Variants in NHSL2 observed in about 807,000 individuals in gnomAD.
NHSL2 encodes the protein NHS like 2.
NHSL2 carries 27 observed loss-of-function variants against 53.4 expected under a neutral mutation model. The ratio of observed to expected loss-of-function variants is 0.51; its 90% CI spans 0.37 to 0.70. NHSL2 has a LOEUF of 0.70. Among genes scored for constraint, NHSL2 ranks in the 30% least tolerant of loss-of-function variants. The probability of loss-of-function intolerance (pLI) is 0.00; values close to 1 mark genes in which losing one functional copy is unlikely to be tolerated. For synonymous variants in NHSL2, 408 were observed against 404.1 expected (o/e 1.01, Z -0.12); for missense variants, 892 against 980.1 (o/e 0.91, Z 1.20).
At chrX:71,941,932 G>A (rs1207212230) in intron 1 of NHSL2, among the ~76,000 whole-genome samples, 1 of 111,423 alleles carries the variant, frequency 9.0e-6, no homozygotes, top group African/African-American at 3.3e-5. Flanking sequence ...CGAGCTGCTG[G>A]GTCTGCTCAT....
chrX:71,950,351 G>A (rs1007765671), intron 1 of NHSL2, among the ~76,000 whole-genome samples: 8 of 112,758 alleles, frequency 7.1e-5, no homozygotes, highest in African/African-American at 2.3e-4. Context: ...CCTAAGCCTG[G>A]CCAACAATAC....
At chrX:72,019,557 C>G (rs747674708) in intron 1 of NHSL2, among the ~76,000 whole-genome samples, 1 of 112,186 alleles carries the variant, frequency 8.9e-6, no homozygotes, top group East Asian at 2.8e-4. Flanking sequence ...AGTAATTTGT[C>G]GAATGAATGA....
At chrX:71,944,087 G>A (rs2041781529) in intron 1 of NHSL2, among the ~76,000 whole-genome samples, 1 of 112,322 alleles carries the variant, frequency 8.9e-6, no homozygotes. Context: ...AGTATAGCCT[G>A]CTAGAGAAAA....
intron 1 of NHSL2, among the ~76,000 whole-genome samples, chrX:72,051,570 C>T (rs1166968805): frequency 2.7e-5 from 3 of 111,246 alleles, no homozygotes; most frequent in Non-Finnish European, 5.7e-5. Flanking sequence ...CCTATCCAGC[C>T]CTCCTTCCTC....
intron 1 of NHSL2, among the ~76,000 whole-genome samples, chrX:71,942,964 CTCTCTCTCTGTGTGTGTGTG>C (rs1289139182): frequency 6.7e-5 from 2 of 30,020 alleles, no homozygotes; most frequent in Non-Finnish European, 1.3e-4. Context: ...CTCTCTCTCT[CTCTCTCTCTGTGTGTGTGTG>C]TGTGTGTGTG....
At chrX:72,044,578 A>G (rs2042294351) in intron 1 of NHSL2, 1 of 1,033,708 alleles carries the variant, frequency 9.7e-7, no homozygotes, top group Admixed American at 2.2e-5. Context: ...CAGTCATGCC[A>G]AAAAGGGCCG....
intron 1 of NHSL2, among the ~76,000 whole-genome samples, chrX:71,928,040 A>T (rs1011532936): frequency 4.4e-5 from 5 of 112,913 alleles, no homozygotes. Flanking sequence ...AATACTTCTA[A>T]GTGTTGAGCA....
rs60217492 is a variant in NHSL2 at position 72,013,536 on chromosome X, C to CTTT, written c.280+102180_280+102182dup. On this transcript the variant is annotated intron_variant, in intron 1 of 7. Coordinates refer to ENST00000633930, the MANE Select transcript of NHSL2 (RefSeq NM_001013627.3). The stretch of plus-strand genomic sequence containing the variant: ...CATGTTTTATCTTTTCTTTTTTCTT[C>CTTT]TTTTTTTTTTTTTGCCTTATTACAC... Among the ~76,000 whole-genome samples, 386 of 96,739 alleles carry CTTT rather than the reference C, an allele frequency of 4.0e-3. 2 individuals are homozygous for CTTT. The highest frequency in any genetic ancestry group is 0.014 in the African/African-American group (368 of 26,708). The allele number at this position is 96,739 out of a possible 115,157, so 84.0% of individuals were successfully genotyped here. A position where few individuals can be genotyped will look rare whatever the true frequency, so the allele number is the denominator to read the frequency against.
intron 1 of NHSL2, among the ~76,000 whole-genome samples, chrX:72,072,147 G>A (rs1048809246): frequency 8.9e-6 from 1 of 112,391 alleles, no homozygotes; most frequent in Non-Finnish European, 1.9e-5. Flanking sequence ...GATCATTGTA[G>A]TTGTAACAGA....
At chrX:72,039,314 C>T (rs141713939) in intron 1 of NHSL2, among the ~76,000 whole-genome samples, 2,412 of 110,916 alleles carry the variant, frequency 0.022, 65 homozygotes, top group African/African-American at 0.075. Flanking sequence ...TGTTGATACA[C>T]GAGTTAGAGT....
At chrX:71,969,009 C>T (rs922464692) in intron 1 of NHSL2, among the ~76,000 whole-genome samples, 3 of 111,453 alleles carry the variant, frequency 2.7e-5, no homozygotes, top group African/African-American at 9.8e-5. Context: ...CTATTCTGAG[C>T]CCCTTTCATT....
At position 71,963,976 on chromosome X, in the gene NHSL2, T is replaced by TAC. The variant is rs1394644154; in HGVS notation, c.280+52610_280+52611insCA. ...ATATATATACACATATATATATACA[T>TAC]ATATATATATATATATGTATATACA... is the stretch of plus-strand genomic sequence containing the variant. On this transcript the variant is annotated intron_variant, in intron 1 of 7. Coordinates refer to ENST00000633930, the MANE Select transcript of NHSL2 (RefSeq NM_001013627.3). Among the ~76,000 whole-genome samples the TAC allele has an allele frequency of 9.6e-3, 49 of 5,093 alleles. 3 individuals carry two copies. Among genetic ancestry groups the TAC allele is most frequent in the African/African-American group, 0.014 (46 of 3,334 alleles). 4.4% of individuals were successfully genotyped at this position (5,093 alleles called of 115,157 possible).
At chrX:72,114,337 G>A (rs2042118336) in intron 1 of NHSL2, among the ~76,000 whole-genome samples, 1 of 112,246 alleles carries the variant, frequency 8.9e-6, no homozygotes, top group African/African-American at 3.2e-5. Context: ...GGGAAAGGTA[G>A]CAGCGGCCTC....
At chrX:71,927,849 G>A (rs974059355) in intron 1 of NHSL2, among the ~76,000 whole-genome samples, 1 of 111,875 alleles carries the variant, frequency 8.9e-6, no homozygotes, top group African/African-American at 3.3e-5. Flanking sequence ...CTGAGCCATC[G>A]CACCCGGCCC....
intron 1 of NHSL2, among the ~76,000 whole-genome samples, chrX:71,987,931 A>G (rs1253710679): frequency 8.9e-6 from 1 of 112,051 alleles, no homozygotes; most frequent in South Asian, 3.7e-4. Context: ...TGCTTGAGAT[A>G]ATTTTAAGGG....
chrX:72,137,370 G>T, intron 5 of NHSL2, 145 bp downstream of exon 5: 1 of 529,968 alleles, frequency 1.9e-6, no homozygotes. Context: ...AGCCAATATG[G>T]TAATTAAGAA....
Position 72,139,974 on chromosome X carries a change from T to C in NHSL2, c.2426T>C (p.Leu809Pro), listed in dbSNP as rs780128253. ...TCAGAGACAAATTTTGGCGTCAAGCTGGCCCAGAAAACTAATCCCAACCAG... is the reference window on the plus strand; with the variant it reads ...TCAGAGACAAATTTTGGCGTCAAGCCGGCCCAGAAAACTAATCCCAACCAG... ...HHSETNFGVKLAQKTNPNQPI... is the reference protein window; with the variant it reads ...HHSETNFGVKPAQKTNPNQPI... The change falls in exon 6 of 8, where the codon CTG (leucine) becomes CCG (proline). Residue 809 changes from leucine to proline, a missense_variant. Leu to Pro is a moderately conservative substitution (Grantham distance 98). Transcript: ENST00000633930. The C allele has an allele frequency of 2.5e-6, 3 of 1,208,211 alleles. No individual in the cohort carries two copies. In the African/African-American group the frequency reaches 5.3e-5, roughly 21 times the overall value.
chrX:72,058,114 G>A (rs1433343701), intron 1 of NHSL2, among the ~76,000 whole-genome samples: 2 of 111,789 alleles, frequency 1.8e-5, no homozygotes, highest in African/African-American at 3.3e-5. Context: ...TTCCTGGAAC[G>A]TCATTTTCAC....
intron 1 of NHSL2, among the ~76,000 whole-genome samples, chrX:72,112,410 T>C (rs2042100832): frequency 8.9e-6 from 1 of 112,011 alleles, no homozygotes; most frequent in Non-Finnish European, 1.9e-5. Context: ...CTTAGAATAT[T>C]CCCAGATATG....
Sources: gnomAD v4.1 joint callset for allele counts (sites outside exome capture counted in the v4.1 genomes callset) on GRCh38, gnomAD v4.1.1 for gene constraint, MANE v1.5 for transcripts, NCBI Gene and HGNC (gene_info 2026-07-23, HGNC 2026-07-21) for gene names.